Variants in FHIT observed in about 807,000 individuals in gnomAD.
FHIT encodes the protein fragile histidine triad diadenosine triphosphatase.
FHIT carries 19 observed loss-of-function variants against 17.9 expected under a neutral mutation model. The ratio of observed to expected loss-of-function variants is 1.06; its 90% CI spans 0.74 to 1.56. The LOEUF (loss-of-function observed/expected upper bound fraction) is 1.56, where lower values mean the gene tolerates loss of function less well. Among genes scored for constraint, FHIT ranks in the 40% most tolerant of loss-of-function variants. The pLI is 0.00. For missense variants in FHIT, 248 were observed against 189.2 expected, an observed-to-expected ratio of 1.31 and a Z score of -1.82; for synonymous variants, 81 against 69.7, an observed-to-expected ratio of 1.16 and a Z score of -0.81.
chr3:59,949,439 G>A (rs1265071637), intron 7 of FHIT, among the ~76,000 whole-genome samples: 4 of 152,200 alleles, frequency 2.6e-5, no homozygotes, highest in Non-Finnish European at 5.9e-5. Context: ...CCAAGTGACT[G>A]AATCAACTAT....
At chr3:60,130,974 T>TATATACAC (rs1699545150) in intron 5 of FHIT, among the ~76,000 whole-genome samples, 1 of 140,850 alleles carries the variant, frequency 7.1e-6, no homozygotes, top group African/African-American at 2.6e-5. Context: ...TAGAAAGGTA[T>TATATACAC]ATATATACAC....
At chr3:59,878,116 T>A (rs1263928358) in intron 8 of FHIT, among the ~76,000 whole-genome samples, 1 of 152,090 alleles carries the variant, frequency 6.6e-6, no homozygotes, top group South Asian at 2.1e-4. Flanking sequence ...CATGAGCACT[T>A]CCTCCCCTTT....
At chr3:60,437,698 G>A (rs974152991) in intron 5 of FHIT, among the ~76,000 whole-genome samples, 1 of 152,052 alleles carries the variant, frequency 6.6e-6, no homozygotes, top group South Asian at 2.1e-4. Flanking sequence ...GATGTCATAT[G>A]AGGGTATGTA....
At chr3:60,316,751 T>C (rs961375435) in intron 5 of FHIT, among the ~76,000 whole-genome samples, 1 of 152,230 alleles carries the variant, frequency 6.6e-6, no homozygotes, top group African/African-American at 2.4e-5. Context: ...TGGCAAACCA[T>C]GGTTCCAACA....
At chr3:60,048,237 C>A (rs1051111953) in intron 5 of FHIT, among the ~76,000 whole-genome samples, 1 of 152,154 alleles carries the variant, frequency 6.6e-6, no homozygotes, top group South Asian at 2.1e-4. Context: ...AGTGCAGTGG[C>A]GTGATCTCAG....
At chr3:60,187,170 C>T (rs566320100) in intron 5 of FHIT, among the ~76,000 whole-genome samples, 1 of 152,152 alleles carries the variant, frequency 6.6e-6, no homozygotes, top group African/African-American at 2.4e-5. Context: ...CCATGATGGC[C>T]AGGGAACACA....
intron 5 of FHIT, among the ~76,000 whole-genome samples, chr3:60,275,158 A>G (rs1707064492): frequency 6.6e-6 from 1 of 151,854 alleles, no homozygotes; most frequent in South Asian, 2.1e-4. Context: ...GGAACTAGGC[A>G]TATTTTCATT....
chr3:60,519,238 G>A (rs1445197363), intron 5 of FHIT, among the ~76,000 whole-genome samples: 2 of 152,130 alleles, frequency 1.3e-5, no homozygotes, highest in African/African-American at 2.4e-5. Context: ...AAAAATAAAT[G>A]AAAGGTTTAA....
At chr3:60,321,708 T>A (rs1306474131) in intron 5 of FHIT, among the ~76,000 whole-genome samples, 1 of 152,144 alleles carries the variant, frequency 6.6e-6, no homozygotes. Flanking sequence ...ATGCCTTAAA[T>A]TGGGTGATGT....
intron 4 of FHIT, among the ~76,000 whole-genome samples, chr3:60,589,610 A>AT (rs2038017210): frequency 6.6e-6 from 1 of 151,944 alleles, no homozygotes; most frequent in Non-Finnish European, 1.5e-5. Context: ...CGGGGGATAT[A>AT]TTTTTAAGAT....
At chr3:60,130,947 ATG>A (rs1207773663) in intron 5 of FHIT, among the ~76,000 whole-genome samples, 1 of 147,906 alleles carries the variant, frequency 6.8e-6, no homozygotes, top group South Asian at 2.2e-4. Context: ...ATATATACAT[ATG>A]TGACAATAAA....
At chr3:60,041,263 T>A (rs1381005230) in intron 5 of FHIT, among the ~76,000 whole-genome samples, 2 of 152,188 alleles carry the variant, frequency 1.3e-5, no homozygotes, top group Admixed American at 1.3e-4. Context: ...ATTTTCAACA[T>A]GTCCAGGGAG....
chr3:60,670,164 G>A (rs184542411), intron 4 of FHIT, among the ~76,000 whole-genome samples: 22 of 152,224 alleles, frequency 1.4e-4, no homozygotes, highest in Non-Finnish European at 2.8e-4. Flanking sequence ...TCTAATGATT[G>A]ATTTTATACA....
chr3:60,551,423 C>A (rs1468841118), intron 4 of FHIT, among the ~76,000 whole-genome samples: 2 of 117,622 alleles, frequency 1.7e-5, no homozygotes, highest in Admixed American at 9.7e-5. Context: ...GACTTCAAGA[C>A]CAGCCTGGGA....
chr3:59,890,682 CAA>C (rs1703817629), intron 8 of FHIT, among the ~76,000 whole-genome samples: 1 of 152,038 alleles, frequency 6.6e-6, no homozygotes, highest in Admixed American at 6.6e-5. Flanking sequence ...ACACTATTAC[CAA>C]AAAGCTGCTC....
intron 3 of FHIT, among the ~76,000 whole-genome samples, chr3:60,937,567 C>CTTTTTTTT (rs5849404): frequency 7.4e-6 from 1 of 135,146 alleles, no homozygotes; most frequent in African/African-American, 2.8e-5. Flanking sequence ...CTTTTCTTTT[C>CTTTTTTTT]TTTTTTTTTT....
At chr3:60,857,773 G>GA (rs1307794732) in intron 3 of FHIT, among the ~76,000 whole-genome samples, 1 of 151,948 alleles carries the variant, frequency 6.6e-6, no homozygotes, top group African/African-American at 2.4e-5. Context: ...TACAAAAAAT[G>GA]AAAAAATAGG....
chr3:60,686,379 T>C (rs2040862553), intron 4 of FHIT, among the ~76,000 whole-genome samples: 1 of 152,134 alleles, frequency 6.6e-6, no homozygotes, highest in South Asian at 2.1e-4. Context: ...CAAAAGTAAT[T>C]GTGGGTTTTG....
intron 8 of FHIT, among the ~76,000 whole-genome samples, chr3:59,771,494 T>C (rs1298222638): frequency 3.3e-5 from 5 of 152,218 alleles, no homozygotes; most frequent in Admixed American, 2.6e-4. Context: ...ATTTGGGGTA[T>C]GTTTGAGGGT....
Sources: gnomAD v4.1 joint callset for allele counts (sites outside exome capture counted in the v4.1 genomes callset) on GRCh38, gnomAD v4.1.1 for gene constraint, MANE v1.5 for transcripts, NCBI Gene and HGNC (gene_info 2026-07-23, HGNC 2026-07-21) for gene names.